The following CLASP1 variants were observed in gnomAD, a reference collection of about 807,000 sequenced individuals.
CLASP1 encodes the protein cytoplasmic linker associated protein 1.
A neutral mutation model predicts 192.3 loss-of-function variants in CLASP1; 38 were observed. That is an observed-to-expected ratio of 0.20 (90% CI 0.15 to 0.26). The LOEUF (loss-of-function observed/expected upper bound fraction) is 0.26, where lower values mean the gene tolerates loss of function less well. Ranked by LOEUF, CLASP1 falls within the 10% of genes least tolerant of loss-of-function variation. The pLI, the probability that CLASP1 is intolerant of heterozygous loss-of-function variation, is 1.00. For missense variants in CLASP1, 1,433 were observed against 1,932.5 expected (o/e 0.74, Z 4.85); for synonymous variants, 691 against 712.8 (o/e 0.97, Z 0.49).
At chr2:121,628,474 G>A (rs556339108) in intron 1 of CLASP1, among the ~76,000 whole-genome samples, 3 of 151,898 alleles carry the variant, frequency 2.0e-5, no homozygotes, top group Non-Finnish European at 4.4e-5. Flanking sequence ...CTAGGAATTC[G>A]AGACCAGCCT....
At chr2:121,637,863 G>A (rs558986091) in intron 1 of CLASP1, among the ~76,000 whole-genome samples, 1 of 151,794 alleles carries the variant, frequency 6.6e-6, no homozygotes, top group South Asian at 2.1e-4. Context: ...CCTAGCCTGG[G>A]CGACAGAGTG....
At chr2:121,640,148 C>T (rs1000993899) in intron 1 of CLASP1, among the ~76,000 whole-genome samples, 1 of 151,578 alleles carries the variant, frequency 6.6e-6, no homozygotes, top group Non-Finnish European at 1.5e-5. Flanking sequence ...CATGTTCTCA[C>T]TCACAGATAG....
intron 1 of CLASP1, among the ~76,000 whole-genome samples, chr2:121,608,538 C>G (rs1056095726): frequency 6.6e-6 from 1 of 152,222 alleles, no homozygotes; most frequent in Non-Finnish European, 1.5e-5. Context: ...CCAACATGCT[C>G]TGACCAACAG....
rs182183789 is a variant in CLASP1 at position 121,639,673 on chromosome 2, G to A, written c.-286+9699C>T. Among the ~76,000 whole-genome samples, 642 of 152,048 alleles carry A rather than the reference G, an allele frequency of 4.2e-3. 3 individuals carry two copies. Among genetic ancestry groups the A allele is most frequent in the African/African-American group, 0.015 (621 of 41,460 alleles). ...GAGGTTGGGAGTTCAAGACCAGCCC[G>A]GCCAACATGGAGAAACCCTGTCTCT... is the stretch of plus-strand genomic sequence containing the variant. On this transcript the variant is annotated intron_variant, in intron 1 of 39. Coordinates refer to ENST00000263710, the Ensembl canonical transcript of CLASP1.
chr2:121,594,037 G>A lies in CLASP1; in HGVS notation c.195+11664C>T, dbSNP rs543982850. 1.2e-3 allele frequency among the ~76,000 whole-genome samples: 177 copies of A among 151,504 alleles called. 2 individuals carry two copies. Among genetic ancestry groups the A allele is most frequent in the Non-Finnish European group, 3.1e-4 (21 of 67,898 alleles). On this transcript the variant is annotated intron_variant, in intron 2 of 39. Transcript: ENST00000263710. ...AAAAAGGCCTGGCGCGGTGGCTCAC[G>A]CCTGTAATCCCAACACTTTGGGAGG...
At chr2:121,402,611 G>A (rs781374296) in intron 26 of CLASP1, 1 of 518,970 alleles carries the variant, frequency 1.9e-6, no homozygotes, top group Non-Finnish European at 3.8e-6. Flanking sequence ...AGAGACTTCT[G>A]ATGGAAACAA....
chr2:121,483,484 A>G (rs533837286), intron 8 of CLASP1, among the ~76,000 whole-genome samples: 17 of 151,722 alleles, frequency 1.1e-4, no homozygotes, highest in Admixed American at 6.6e-4. Flanking sequence ...ATATGTATGT[A>G]TATATATATG....
chr2:121,613,548 T>C (rs2065954891), intron 1 of CLASP1, among the ~76,000 whole-genome samples: 1 of 152,096 alleles, frequency 6.6e-6, no homozygotes, highest in South Asian at 2.1e-4. Flanking sequence ...GACTCCCAAG[T>C]GGCACTGTGG....
chr2:121,364,951 T>C, intron 36 of CLASP1, 143 bp downstream of exon 37: 1 of 805,054 alleles, frequency 1.2e-6, no homozygotes, highest in South Asian at 1.6e-5. Context: ...TCAGAAAATA[T>C]GTGAAAAATG....
At chr2:121,616,337 C>T (rs1437820978) in intron 1 of CLASP1, among the ~76,000 whole-genome samples, 2 of 152,154 alleles carry the variant, frequency 1.3e-5, no homozygotes, top group African/African-American at 4.8e-5. Flanking sequence ...ATCCCAGCTA[C>T]TCGGGAGGCT....
At chr2:121,380,856 G>A (rs2071470130) in intron 33 of CLASP1, among the ~76,000 whole-genome samples, 1 of 152,172 alleles carries the variant, frequency 6.6e-6, no homozygotes, top group South Asian at 2.1e-4. Flanking sequence ...AGGTCAATAT[G>A]TATCGTGTAT....
At chr2:121,340,706 T>A in exon 40 of CLASP1, 1 of 608,712 alleles carries the variant, frequency 1.6e-6, no homozygotes, top group Non-Finnish European at 2.9e-6. Flanking sequence ...CCAGTAAGAT[T>A]CTACAGAAAA....
intron 35 of CLASP1, among the ~76,000 whole-genome samples, chr2:121,367,173 G>A (rs1245896774): frequency 2.0e-5 from 3 of 152,206 alleles, no homozygotes; most frequent in Non-Finnish European, 4.4e-5. Flanking sequence ...TCACTCCACA[G>A]CTCGGGGAGC....
intron 1 of CLASP1, among the ~76,000 whole-genome samples, chr2:121,627,130 TA>T (rs2068531040): frequency 6.6e-6 from 1 of 151,660 alleles, no homozygotes; most frequent in Admixed American, 6.6e-5. Flanking sequence ...AGGAGAAAAC[TA>T]GGATAACGTA....
chr2:121,419,435 A>G (rs929152046), intron 22 of CLASP1, among the ~76,000 whole-genome samples: 2 of 152,200 alleles, frequency 1.3e-5, no homozygotes. Context: ...GAAAATCTGA[A>G]AAGATCTGCC....
At chr2:121,639,006 G>A (rs1483126980) in intron 1 of CLASP1, among the ~76,000 whole-genome samples, 2 of 152,182 alleles carry the variant, frequency 1.3e-5, no homozygotes, top group African/African-American at 2.4e-5. Flanking sequence ...GCCAGGTGCG[G>A]TGGCTCACGC....
At chr2:121,377,641 T>A (rs1333910239) in exon 34 of CLASP1, 1 of 1,570,490 alleles carries the variant, frequency 6.4e-7, no homozygotes, top group Non-Finnish European at 8.6e-7. Context: ...TGTATCATAG[T>A]CCAGCATGCT....
At chr2:121,491,896 C>A (rs904169741) in intron 8 of CLASP1, among the ~76,000 whole-genome samples, 1 of 152,112 alleles carries the variant, frequency 6.6e-6, no homozygotes, top group African/African-American at 2.4e-5. Context: ...CATCAGAGAA[C>A]AACATAATTT....
At chr2:121,498,713 C>A (rs2093629741) in intron 8 of CLASP1, among the ~76,000 whole-genome samples, 1 of 152,218 alleles carries the variant, frequency 6.6e-6, no homozygotes, top group Middle Eastern at 3.4e-3. Context: ...TAAAACTCAA[C>A]AATAAATAGG....
Sources: gnomAD v4.1 joint callset for allele counts (sites outside exome capture counted in the v4.1 genomes callset) on GRCh38, gnomAD v4.1.1 for gene constraint, MANE v1.5 for transcripts, NCBI Gene and HGNC (gene_info 2026-07-23, HGNC 2026-07-21) for gene names.